METTL6: variants seen among roughly 807,000 people sequenced by gnomAD.
METTL6 encodes methyltransferase 6, tRNA N3-cytidine, also known as tRNA N(3)-cytidine methyltransferase METTL6.
Under a neutral mutation model 26.4 loss-of-function variants are expected in METTL6, and 22 were observed. The observed-to-expected ratio is 0.83, with a 90% CI of 0.59 to 1.19. The LOEUF (loss-of-function observed/expected upper bound fraction) is 1.19. Among genes scored for constraint, METTL6 ranks in the 50% most tolerant of loss-of-function variants. The pLI, the probability that METTL6 is intolerant of heterozygous loss-of-function variation, is 0.00. For synonymous variants in METTL6, 109 were observed against 116.2 expected, an observed-to-expected ratio of 0.94 and a Z score of 0.40; for missense variants, 304 against 324.8, an observed-to-expected ratio of 0.94 and a Z score of 0.49.
chr3:15,420,792 A>C (rs2061595441), intron 3 of METTL6, among the ~76,000 whole-genome samples: 1 of 152,230 alleles, frequency 6.6e-6, no homozygotes, highest in African/African-American at 2.4e-5. Context: ...GACTGTTCTT[A>C]AAAACACTTA....
chr3:15,412,176 C>T (rs1012026984), intron 5 of METTL6, among the ~76,000 whole-genome samples: 1 of 152,206 alleles, frequency 6.6e-6, no homozygotes, highest in Non-Finnish European at 1.5e-5. Flanking sequence ...TTACATCAAA[C>T]ATCTTATTCA....
rs761530981 is a variant in METTL6, at chr3:15,411,294, G to C, written c.817C>G (p.Pro273Ala). 7 of 1,614,068 alleles carry C rather than the reference G, an allele frequency of 4.3e-6. No individual in the cohort carries two copies. The highest frequency in any genetic ancestry group is 5.9e-6 in the Non-Finnish European group (7 of 1,180,020). Reference sequence around the variant, plus strand: ...TCCAGGCCCAGGACCACAGGAGATGGGTTCTTAGGAGGCTTTAGAAATTTG... The same window carrying C: ...TCCAGGCCCAGGACCACAGGAGATGCGTTCTTAGGAGGCTTTAGAAATTTG... ...QSKFLKPPKNPSPVVLGLDPK... is the reference protein window; with the variant it reads ...QSKFLKPPKNASPVVLGLDPK... The change falls in exon 6 of 6, where the codon CCA becomes GCA. Residue 273 changes from proline (P) to alanine (A), a missense_variant. Pro to Ala is a conservative substitution (Grantham distance 27). Coordinates refer to ENST00000383790, the MANE Select transcript of METTL6 (RefSeq NM_152396.4).
At chr3:15,387,795 A>G (rs1228319873) in intron 6 of METTL6, among the ~76,000 whole-genome samples, 1 of 151,288 alleles carries the variant, frequency 6.6e-6, no homozygotes, top group East Asian at 1.9e-4. Flanking sequence ...TAGCTTGTAA[A>G]TCGTTCTCTT....
At chr3:15,418,488 A>T (rs75001492) in intron 3 of METTL6, among the ~76,000 whole-genome samples, 10,830 of 152,242 alleles carry the variant, frequency 0.071, 494 homozygotes, top group African/African-American at 0.12. Flanking sequence ...AAATTACACA[A>T]ACTGAAAATG....
chr3:15,421,289 G>A (rs539907978), intron 3 of METTL6, among the ~76,000 whole-genome samples: 1 of 152,248 alleles, frequency 6.6e-6, no homozygotes, highest in South Asian at 2.1e-4. Context: ...GATAAAACAC[G>A]ATACATACTG....
chr3:15,420,741 C>T (rs2061593570), intron 3 of METTL6, among the ~76,000 whole-genome samples: 1 of 152,154 alleles, frequency 6.6e-6, no homozygotes, highest in Non-Finnish European at 1.5e-5. Flanking sequence ...AGTCAGTAAC[C>T]TAATACACTG....
intron 6 of METTL6, among the ~76,000 whole-genome samples, chr3:15,401,536 C>CAAAAAAAAAAAAAAAAA (rs35578326): frequency 1.1e-3 from 81 of 71,724 alleles, no homozygotes; most frequent in East Asian, 1.5e-3. Flanking sequence ...ATGTTCACGC[C>CAAAAAAAAAAAAAAAAA]AAAAAAAAAA....
At chr3:15,393,150 G>A (rs1276681716) in intron 6 of METTL6, among the ~76,000 whole-genome samples, 1 of 152,130 alleles carries the variant, frequency 6.6e-6, no homozygotes, top group Non-Finnish European at 1.5e-5. Flanking sequence ...TCTTCCATTT[G>A]TTTGTATCCT....
chr3:15,395,889 T>C (rs970418359), intron 6 of METTL6, among the ~76,000 whole-genome samples: 6 of 152,254 alleles, frequency 3.9e-5, no homozygotes, highest in African/African-American at 1.4e-4. Context: ...GGCTTCCCTT[T>C]GTGAGTAATC....
chr3:15,407,677 T>C (rs1282533461), downstream of METTL6, among the ~76,000 whole-genome samples: 2 of 152,228 alleles, frequency 1.3e-5, no homozygotes, highest in Non-Finnish European at 2.9e-5. Flanking sequence ...GTTAGTCTTC[T>C]AGGGATTCTA....
intron 6 of METTL6, among the ~76,000 whole-genome samples, chr3:15,400,676 T>C (rs370239624): frequency 7.2e-4 from 110 of 152,314 alleles, no homozygotes; most frequent in African/African-American, 2.6e-3. Flanking sequence ...CTACCTTTTT[T>C]TGGTAATGTA....
chr3:15,397,112 T>C lies in METTL6; in HGVS notation c.*12-12925A>G, dbSNP rs187189972. 1.7e-3 allele frequency among the ~76,000 whole-genome samples: 252 copies of C among 152,302 alleles called. 5 individuals carry two copies. The highest frequency in any genetic ancestry group is 3.1e-4 in the Non-Finnish European group (21 of 68,014). On this transcript the variant is annotated intron_variant, in intron 6 of 6. Coordinates refer to the METTL6 transcript ENST00000443029. ...GTCTACAGAGGCAGGCAGGCCTCCT[T>C]GAGCTGTGGTGGGCTCCACCCAGTT...
rs200236594 is a variant in METTL6 at position 15,410,187 on chromosome 3, G to GC, written c.*1068dup. On this transcript the variant is annotated 3_prime_UTR_variant, in exon 6 of 6. Coordinates refer to ENST00000383790, the MANE Select transcript of METTL6 (RefSeq NM_152396.4). ...TTTTTAATACAAAAAGTACATAGTA[G>GC]CCCCCCGTATCTGCGGGTGGTATGT... 9.5e-3 allele frequency among the ~76,000 whole-genome samples: 1,450 copies of GC among 151,986 alleles called. 39 individuals carry two copies. Among genetic ancestry groups the GC allele is most frequent in the Admixed American group, 0.068 (1,034 of 15,252 alleles).
chr3:15,398,020 C>A (rs776248952), intron 6 of METTL6, among the ~76,000 whole-genome samples: 4 of 151,958 alleles, frequency 2.6e-5, no homozygotes, highest in Non-Finnish European at 5.9e-5. Flanking sequence ...TATGATTGCA[C>A]CCCAACCAAT....
rs367789838 is a variant in METTL6, at chr3:15,410,446, G to A, written c.*810C>T. Among the ~76,000 whole-genome samples, 17 of 151,902 alleles carry A rather than the reference G, an allele frequency of 1.1e-4. No individual in the cohort carries two copies. The highest frequency in any genetic ancestry group is 3.9e-4 in the Admixed American group (6 of 15,218). On this transcript the variant is annotated 3_prime_UTR_variant, in exon 6 of 6. Coordinates refer to ENST00000383790, the MANE Select transcript of METTL6 (RefSeq NM_152396.4). Reference sequence around the variant, plus strand: ...CAAGCTAACCTCCCACCCCAGCTGGGACTACAGGCACATGCCACCACATTT... The same window carrying A: ...CAAGCTAACCTCCCACCCCAGCTGGAACTACAGGCACATGCCACCACATTT...
intron 6 of METTL6, among the ~76,000 whole-genome samples, chr3:15,396,507 G>A (rs531790658): frequency 5.9e-4 from 90 of 152,244 alleles, no homozygotes; most frequent in Admixed American, 2.8e-3. Context: ...GTCATTCTCC[G>A]TCCAGCTTTG....
chr3:15,422,276 TG>T (rs1449568210), intron 3 of METTL6, among the ~76,000 whole-genome samples: 3 of 151,988 alleles, frequency 2.0e-5, no homozygotes, highest in African/African-American at 7.2e-5. Flanking sequence ...CAGTGAGTCA[TG>T]ACTGTGCAAC....
rs551179378 is a variant in METTL6, at chr3:15,399,042, C to T, written c.*11+12203G>A. On this transcript the variant is annotated intron_variant, in intron 6 of 6. Transcript: ENST00000443029. ...AAAGTGACCTCTGGTGGTCCTACTG[C>T]GCATTACATGATAATTAAATATATT... is the stretch of plus-strand genomic sequence containing the variant. 5.3e-5 allele frequency among the ~76,000 whole-genome samples: 8 copies of T among 152,142 alleles called. No homozygotes were observed. The East Asian group carries it at 5.8e-4, about 11-fold the overall frequency.
chr3:15,408,599 G>A (rs1363440964), downstream of METTL6, among the ~76,000 whole-genome samples: 5 of 125,974 alleles, frequency 4.0e-5, no homozygotes, highest in Middle Eastern at 5.7e-3. Flanking sequence ...ACGGGGTCTC[G>A]CTCTGCACCC....
Sources: gnomAD v4.1 joint callset for allele counts (sites outside exome capture counted in the v4.1 genomes callset) on GRCh38, gnomAD v4.1.1 for gene constraint, MANE v1.5 for transcripts, NCBI Gene and HGNC (gene_info 2026-07-23, HGNC 2026-07-21) for gene names.